The following PDE4D variants were observed in gnomAD, a reference collection of about 807,000 sequenced individuals.
The protein encoded by PDE4D is phosphodiesterase 4D, also known as 3',5'-cyclic-AMP phosphodiesterase 4D.
A neutral mutation model predicts 87.4 loss-of-function variants in PDE4D; 24 were observed. That is an observed-to-expected ratio of 0.27 (90% CI 0.20 to 0.39). The LOEUF (loss-of-function observed/expected upper bound fraction) is 0.39, where lower values mean the gene tolerates loss of function less well. Among genes scored for constraint, PDE4D ranks in the 10% least tolerant of loss-of-function variants. The pLI is 1.00. For missense variants in PDE4D, 714 were observed against 1,041.0 expected (o/e 0.69, Z 4.32); for synonymous variants, 384 against 383.2 (o/e 1.00, Z -0.02).
At position 58,991,862 on chromosome 5, in the gene PDE4D, A is replaced by G; in HGVS notation, c.1158T>C (p.Val386=). ...LTNSSIPRFG[V]KTEQEDVLAK... is the part of the protein sequence containing the mutation. ...CAAGGACATCTTCTTGTTCAGTTTT[A>G]ACTCCAAACCTTGGGATACTTGAAT... The change falls in exon 8 of 15, where the codon GTT becomes GTC. Residue 386 remains valine, a synonymous_variant. Coordinates refer to ENST00000340635, the MANE Select transcript of PDE4D (RefSeq NM_001104631.2). 6.4e-7 allele frequency: 1 copy of G among 1,551,148 alleles called. No individual in the cohort carries two copies. The highest frequency in any genetic ancestry group is 2.4e-5 in the East Asian group (1 of 42,358).
chr5:59,350,794 T>C (rs1214093867), intron 1 of PDE4D, among the ~76,000 whole-genome samples: 1 of 152,158 alleles, frequency 6.6e-6, no homozygotes, highest in East Asian at 1.9e-4. Context: ...ATGAGGAAAC[T>C]GAGGCACATG....
At chr5:60,245,511 AG>A (rs1747660467) in intron 1 of PDE4D, among the ~76,000 whole-genome samples, 1 of 152,034 alleles carries the variant, frequency 6.6e-6, no homozygotes, top group East Asian at 1.9e-4. Context: ...TAGTCACAAT[AG>A]CCAGGAATTG....
intron 1 of PDE4D, among the ~76,000 whole-genome samples, chr5:59,796,114 A>G (rs1766449911): frequency 6.6e-6 from 1 of 152,214 alleles, no homozygotes. Context: ...ACTTCCTTAC[A>G]GCAGCCCTAG....
chr5:60,484,434 A>G (rs1259821934), intron 1 of PDE4D, among the ~76,000 whole-genome samples: 1 of 152,202 alleles, frequency 6.6e-6, no homozygotes, highest in African/African-American at 2.4e-5. Flanking sequence ...CCAATCAATA[A>G]GAAATATATC....
At chr5:59,547,940 G>A (rs1303030559) in intron 1 of PDE4D, among the ~76,000 whole-genome samples, 2 of 152,168 alleles carry the variant, frequency 1.3e-5, no homozygotes, top group South Asian at 2.1e-4. Context: ...ACTGGGAGAT[G>A]TATGCTCTCA....
Position 58,972,224 on chromosome 5 carries a change from C to A in PDE4D, c.*2440G>T, listed in dbSNP as rs1170710162. Reference sequence around the variant, plus strand: ...ACTCTTTACCTTTCTTTCTAGACTTCACTCAGGGACAAATAAAATTAAAAG... The same window carrying A: ...ACTCTTTACCTTTCTTTCTAGACTTAACTCAGGGACAAATAAAATTAAAAG... On this transcript the variant is annotated 3_prime_UTR_variant, in exon 15 of 15. Coordinates refer to ENST00000340635, the MANE Select transcript of PDE4D (RefSeq NM_001104631.2). 6.6e-6 allele frequency: 1 copy of A among 152,578 alleles called. No individual in the cohort carries two copies. The highest frequency in any genetic ancestry group is 2.4e-5 in the African/African-American group (1 of 41,446). 9.5% of individuals were successfully genotyped at this position (152,578 alleles called of 1,614,324 possible).
chr5:60,001,428 A>G (rs560674477), intron 2 of PDE4D, among the ~76,000 whole-genome samples: 88 of 152,344 alleles, frequency 5.8e-4, no homozygotes, highest in African/African-American at 2.1e-3. Context: ...GGAGAGGTAA[A>G]GACATTCCCA....
At chr5:59,794,243 T>G (rs533458327) in intron 1 of PDE4D, among the ~76,000 whole-genome samples, 1 of 152,196 alleles carries the variant, frequency 6.6e-6, no homozygotes, top group Non-Finnish European at 1.5e-5. Context: ...ATCTTTATAT[T>G]CAGAACTTGT....
intron 1 of PDE4D, among the ~76,000 whole-genome samples, chr5:59,618,878 T>C (rs1395305025): frequency 3.3e-5 from 5 of 152,132 alleles, no homozygotes; most frequent in Non-Finnish European, 7.4e-5. Context: ...TCTCCTGCCC[T>C]CTCACTTTCC....
chr5:60,240,419 A>G (rs944855007), intron 1 of PDE4D, among the ~76,000 whole-genome samples: 2 of 152,078 alleles, frequency 1.3e-5, no homozygotes, highest in Non-Finnish European at 2.9e-5. Flanking sequence ...CTTGAATGGC[A>G]TTTCTGGACC....
intron 1 of PDE4D, among the ~76,000 whole-genome samples, chr5:60,214,066 A>G (rs893564153): frequency 6.6e-6 from 1 of 152,198 alleles, no homozygotes; most frequent in African/African-American, 2.4e-5. Context: ...TTTACGAACC[A>G]TTGCAGACGC....
chr5:58,976,523 TG>T, intron 12 of PDE4D, 51 bp from the exon 13 acceptor site: 1 of 1,358,986 alleles, frequency 7.4e-7, no homozygotes, highest in Non-Finnish European at 1.0e-6. Context: ...AATTTACACA[TG>T]AAAATATTAC....
At chr5:59,271,133 G>C (rs1763754951) in intron 1 of PDE4D, among the ~76,000 whole-genome samples, 1 of 151,638 alleles carries the variant, frequency 6.6e-6, no homozygotes, top group Non-Finnish European at 1.5e-5. Flanking sequence ...TCCACCTCCT[G>C]GGTTGAAGCA....
chr5:60,272,978 A>G (rs1006256606), intron 1 of PDE4D, among the ~76,000 whole-genome samples: 3 of 152,192 alleles, frequency 2.0e-5, no homozygotes, highest in African/African-American at 4.8e-5. Flanking sequence ...ACACTTATTT[A>G]CCATGGCAGG....
At chr5:59,530,769 G>A (rs570002791) in intron 1 of PDE4D, among the ~76,000 whole-genome samples, 4 of 152,116 alleles carry the variant, frequency 2.6e-5, no homozygotes, top group Non-Finnish European at 5.9e-5. Flanking sequence ...TATGTAAGCC[G>A]GTCTCTAATA....
At chr5:60,509,941 TG>T in intron 1 of PDE4D, among the ~76,000 whole-genome samples, 1 of 152,140 alleles carries the variant, frequency 6.6e-6, no homozygotes. Flanking sequence ...CTGGTGCCAG[TG>T]GGACCAGTAT....
intron 1 of PDE4D, among the ~76,000 whole-genome samples, chr5:59,353,321 C>T (rs1208576630): frequency 1.3e-5 from 2 of 151,746 alleles, no homozygotes; most frequent in South Asian, 4.2e-4. Flanking sequence ...TAAATCTTTG[C>T]TCCTTGATTC....
intron 1 of PDE4D, among the ~76,000 whole-genome samples, chr5:60,334,471 C>G (rs1757571720): frequency 6.6e-6 from 1 of 152,036 alleles, no homozygotes; most frequent in Non-Finnish European, 1.5e-5. Flanking sequence ...GCAGTGATCC[C>G]AGTAGCCACA....
At chr5:60,377,149 T>C (rs896790568) in intron 1 of PDE4D, among the ~76,000 whole-genome samples, 4 of 152,220 alleles carry the variant, frequency 2.6e-5, no homozygotes, top group African/African-American at 4.8e-5. Context: ...TTCTCGCCTA[T>C]AGCATTCCTC....
Sources: gnomAD v4.1 joint callset for allele counts (sites outside exome capture counted in the v4.1 genomes callset) on GRCh38, gnomAD v4.1.1 for gene constraint, MANE v1.5 for transcripts, NCBI Gene and HGNC (gene_info 2026-07-23, HGNC 2026-07-21) for gene names.